The following CNBD1 variants were observed in gnomAD, a reference collection of about 807,000 sequenced individuals.
CNBD1 encodes cyclic nucleotide binding domain containing 1.
CNBD1 carries 71 observed loss-of-function variants against 54.4 expected under a neutral mutation model. The ratio of observed to expected loss-of-function variants is 1.30; its 90% CI spans 1.08 to 1.59. The LOEUF (loss-of-function observed/expected upper bound fraction) is 1.59, where lower values mean the gene tolerates loss of function less well. Ranked by LOEUF, CNBD1 falls within the 40% of genes most tolerant of loss-of-function variation. CNBD1 has a pLI of 0.00. For synonymous variants in CNBD1, 182 were observed against 170.7 expected (o/e 1.07, Z -0.51); for missense variants, 659 against 518.0 (o/e 1.27, Z -2.64).
At chr8:87,092,956 A>T (rs1467120555) in intron 4 of CNBD1, among the ~76,000 whole-genome samples, 2 of 152,168 alleles carry the variant, frequency 1.3e-5, no homozygotes, top group East Asian at 3.9e-4. Flanking sequence ...CCTGGGCGTT[A>T]CCACTATTTC....
chr8:87,100,505 G>C (rs1378297684), intron 4 of CNBD1, among the ~76,000 whole-genome samples: 3 of 152,102 alleles, frequency 2.0e-5, no homozygotes, highest in Non-Finnish European at 4.4e-5. Context: ...TGGAGACAGA[G>C]TCACACTCCA....
intron 4 of CNBD1, among the ~76,000 whole-genome samples, chr8:86,999,628 A>G (rs1428564279): frequency 6.6e-6 from 1 of 152,018 alleles, no homozygotes; most frequent in African/African-American, 2.4e-5. Context: ...CCCGGTTGAG[A>G]TCCCACCATT....
chr8:86,952,125 G>T (rs1807641432), intron 4 of CNBD1, among the ~76,000 whole-genome samples: 1 of 152,072 alleles, frequency 6.6e-6, no homozygotes, highest in Non-Finnish European at 1.5e-5. Flanking sequence ...ACTTTGAGTT[G>T]TCCTACTTTT....
chr8:86,988,529 C>A (rs1386755441), intron 4 of CNBD1, among the ~76,000 whole-genome samples: 1 of 152,024 alleles, frequency 6.6e-6, no homozygotes, highest in East Asian at 1.9e-4. Context: ...GTGTTACAAA[C>A]CATCCAATCC....
intron 4 of CNBD1, among the ~76,000 whole-genome samples, chr8:86,965,182 T>C (rs920160514): frequency 1.3e-5 from 2 of 152,194 alleles, no homozygotes; most frequent in Non-Finnish European, 2.9e-5. Flanking sequence ...ATTCTTAACA[T>C]TTTAATATTG....
chr8:86,866,648 C>A, intron 1 of CNBD1, 65 bp downstream of exon 1: 2 of 1,255,178 alleles, frequency 1.6e-6, no homozygotes, highest in Non-Finnish European at 2.3e-6. Context: ...CTTACCCCAG[C>A]TATGAAAATT....
intron 8 of CNBD1, among the ~76,000 whole-genome samples, chr8:87,290,044 T>G (rs2130873975): frequency 6.6e-6 from 1 of 152,252 alleles, no homozygotes; most frequent in South Asian, 2.1e-4. Context: ...TATGGTTGCT[T>G]TAGGTCTTAC....
chr8:86,874,198 A>T (rs1808482504), intron 1 of CNBD1, among the ~76,000 whole-genome samples: 1 of 152,114 alleles, frequency 6.6e-6, no homozygotes, highest in South Asian at 2.1e-4. Flanking sequence ...ACTCTTTAGG[A>T]TCTTGCTGTC....
intron 8 of CNBD1, among the ~76,000 whole-genome samples, chr8:87,321,971 A>G (rs1006971813): frequency 7.0e-6 from 1 of 142,254 alleles, no homozygotes; most frequent in Non-Finnish European, 1.5e-5. Context: ...ACCCCACCAC[A>G]GTCCCCAGAG....
intron 4 of CNBD1, among the ~76,000 whole-genome samples, chr8:87,073,905 T>C (rs1810810654): frequency 6.6e-6 from 1 of 151,828 alleles, no homozygotes; most frequent in African/African-American, 2.4e-5. Context: ...ATTGAGACCA[T>C]CCTGGTTAAC....
intron 1 of CNBD1, among the ~76,000 whole-genome samples, chr8:86,884,232 C>T (rs1440934935): frequency 6.6e-6 from 1 of 152,132 alleles, no homozygotes; most frequent in East Asian, 1.9e-4. Context: ...CCACTGCCCC[C>T]ATTTTCTCTT....
At chr8:86,880,200 G>C (rs939645682) in intron 1 of CNBD1, among the ~76,000 whole-genome samples, 3 of 144,066 alleles carry the variant, frequency 2.1e-5, no homozygotes, top group African/African-American at 7.9e-5. Flanking sequence ...CAATGTACAT[G>C]TCACACAGCC....
chr8:87,031,204 A>T (rs1809782666), intron 4 of CNBD1, among the ~76,000 whole-genome samples: 1 of 151,900 alleles, frequency 6.6e-6, no homozygotes, highest in African/African-American at 2.4e-5. Context: ...TGTCTTTCTC[A>T]GTGAATTAAG....
At chr8:87,154,897 C>G (rs1486096660) in intron 4 of CNBD1, among the ~76,000 whole-genome samples, 1 of 152,052 alleles carries the variant, frequency 6.6e-6, no homozygotes, top group Admixed American at 6.5e-5. Flanking sequence ...CAACTTTACT[C>G]ACTCCACGCT....
chr8:87,321,657 G>C (rs2130900107), intron 8 of CNBD1, among the ~76,000 whole-genome samples: 1 of 151,972 alleles, frequency 6.6e-6, no homozygotes, highest in African/African-American at 2.4e-5. Context: ...TTTCTCTATT[G>C]ATTATTTCCT....
chr8:87,168,270 TTTAAA>T (rs1306719198), intron 4 of CNBD1, among the ~76,000 whole-genome samples: 1 of 152,010 alleles, frequency 6.6e-6, no homozygotes, highest in East Asian at 1.9e-4. Context: ...TGCGTATCTA[TTTAAA>T]TTAGTTTTTT....
chr8:87,376,990 T>C (rs999612150), intron 10 of CNBD1, among the ~76,000 whole-genome samples: 3 of 150,844 alleles, frequency 2.0e-5, no homozygotes, highest in Admixed American at 2.0e-4. Context: ...ATACTAAGTG[T>C]TGATATTTGT....
intron 10 of CNBD1, among the ~76,000 whole-genome samples, chr8:87,365,601 A>G (rs2130941619): frequency 6.6e-6 from 1 of 152,188 alleles, no homozygotes; most frequent in South Asian, 2.1e-4. Context: ...TTACATTGCC[A>G]TGCCATGTCT....
chr8:87,337,443 G>A (rs753353860), intron 8 of CNBD1, among the ~76,000 whole-genome samples: 1 of 152,166 alleles, frequency 6.6e-6, no homozygotes, highest in Non-Finnish European at 1.5e-5. Flanking sequence ...CACAGTGTTG[G>A]CTGCCACCCC....
Sources: gnomAD v4.1 joint callset for allele counts (sites outside exome capture counted in the v4.1 genomes callset) on GRCh38, gnomAD v4.1.1 for gene constraint, MANE v1.5 for transcripts, NCBI Gene and HGNC (gene_info 2026-07-23, HGNC 2026-07-21) for gene names.